Variants in FYB1 observed in about 807,000 individuals in gnomAD.
FYB1 encodes the protein FYN-binding protein 1.
A neutral mutation model predicts 94.1 loss-of-function variants in FYB1; 41 were observed. The observed-to-expected ratio is 0.44, with a 90% CI of 0.34 to 0.57. The LOEUF is 0.57. Ranked by LOEUF, FYB1 falls within the 20% of genes least tolerant of loss-of-function variation. The pLI is 0.02. For missense variants in FYB1, 1,050 were observed against 976.8 expected, an observed-to-expected ratio of 1.07 and a Z score of -1.00; for synonymous variants, 367 against 353.2, an observed-to-expected ratio of 1.04 and a Z score of -0.44.
intron 1 of FYB1, among the ~76,000 whole-genome samples, chr5:39,210,883 A>G (rs1749304954): frequency 6.6e-6 from 1 of 152,070 alleles, no homozygotes; most frequent in Admixed American, 6.6e-5. Flanking sequence ...ATGAGTTTCT[A>G]TGTGTTTCTG....
chr5:39,244,353 G>A (rs1481951163), intron 1 of FYB1, among the ~76,000 whole-genome samples: 1 of 152,278 alleles, frequency 6.6e-6, no homozygotes, highest in African/African-American at 2.4e-5. Flanking sequence ...CAGCATGAAG[G>A]ACTGTTGAAT....
chr5:39,180,187 G>A (rs1173128407), intron 2 of FYB1, among the ~76,000 whole-genome samples: 2 of 152,140 alleles, frequency 1.3e-5, no homozygotes, highest in Non-Finnish European at 2.9e-5. Context: ...ATTCCCCAAT[G>A]TTTGCCATGT....
chr5:39,235,133 C>T (rs1259282562), intron 1 of FYB1, among the ~76,000 whole-genome samples: 3 of 151,344 alleles, frequency 2.0e-5, no homozygotes. Flanking sequence ...ATTTAAATTC[C>T]CTGGAAGAAA....
At chr5:39,265,910 T>A (rs1189884922) in intron 1 of FYB1, among the ~76,000 whole-genome samples, 3 of 151,350 alleles carry the variant, frequency 2.0e-5, no homozygotes, top group African/African-American at 7.3e-5. Flanking sequence ...TTTCAGGAGC[T>A]CCCATGTAGC....
intron 1 of FYB1, among the ~76,000 whole-genome samples, chr5:39,240,670 A>G (rs1751165102): frequency 1.3e-5 from 2 of 152,186 alleles, no homozygotes; most frequent in Admixed American, 6.6e-5. Flanking sequence ...TCAAAAAATA[A>G]CAGATGCTGG....
chr5:39,134,850 C>G lies in FYB1; in HGVS notation c.1675+5G>C. The G allele has an allele frequency of 6.2e-7, 1 of 1,612,952 alleles. No individual in the cohort carries two copies. Among genetic ancestry groups the G allele is most frequent in the Non-Finnish European group, 8.5e-7 (1 of 1,179,368 alleles). On this transcript the variant is annotated splice_donor_5th_base_variant and intron_variant, in intron 8 of 18. Transcript: ENST00000512982. Reference sequence around the variant, plus strand: ...CTTCGAAGCCATAGAGAAATTTGCACTCACATGAACCCCTTGCTGTTCTGC... The same window carrying G: ...CTTCGAAGCCATAGAGAAATTTGCAGTCACATGAACCCCTTGCTGTTCTGC...
At chr5:39,209,445 G>A (rs1329406707) in intron 1 of FYB1, among the ~76,000 whole-genome samples, 1 of 151,728 alleles carries the variant, frequency 6.6e-6, no homozygotes, top group Non-Finnish European at 1.5e-5. Context: ...TCGTGCCTCA[G>A]CCTCCGAGCA....
intron 2 of FYB1, among the ~76,000 whole-genome samples, chr5:39,194,731 C>T (rs1747677002): frequency 6.6e-6 from 1 of 152,044 alleles, no homozygotes; most frequent in Non-Finnish European, 1.5e-5. Context: ...AAAATTTGAC[C>T]AGGGACAGTG....
intron 16 of FYB1, among the ~76,000 whole-genome samples, chr5:39,115,069 T>G (rs1253629120): frequency 2.0e-5 from 3 of 151,240 alleles, no homozygotes; most frequent in African/African-American, 4.9e-5. Context: ...CCAAGTTGAA[T>G]AAAGTAGCAT....
At chr5:39,137,059 C>G (rs1314256354) in intron 7 of FYB1, among the ~76,000 whole-genome samples, 1 of 151,958 alleles carries the variant, frequency 6.6e-6, no homozygotes, top group Non-Finnish European at 1.5e-5. Flanking sequence ...AGGTCAGAAT[C>G]CAGACAGACA....
chr5:39,257,002 T>G (rs999759731), intron 1 of FYB1, among the ~76,000 whole-genome samples: 1 of 151,976 alleles, frequency 6.6e-6, no homozygotes, highest in African/African-American at 2.4e-5. Flanking sequence ...GTGTTTTCAC[T>G]GTTTTCACTA....
chr5:39,256,745 G>T (rs1395412108), intron 1 of FYB1, among the ~76,000 whole-genome samples: 2 of 152,116 alleles, frequency 1.3e-5, no homozygotes, highest in Non-Finnish European at 2.9e-5. Context: ...GCTGTATTGT[G>T]TTGGGTGGCT....
At chr5:39,189,235 C>T (rs1440437735) in intron 2 of FYB1, among the ~76,000 whole-genome samples, 3 of 136,972 alleles carry the variant, frequency 2.2e-5, no homozygotes, top group South Asian at 2.4e-4. Flanking sequence ...TATGGAATTC[C>T]TTTTTTTTTT....
intron 3 of FYB1, among the ~76,000 whole-genome samples, chr5:39,147,566 C>A (rs1400776929): frequency 6.6e-6 from 1 of 151,794 alleles, no homozygotes. Flanking sequence ...TTTAGGATTG[C>A]TGATTCTCAC....
At chr5:39,110,518 T>G in intron 16 of FYB1, 129 bp from the exon 17 acceptor site, 1 of 510,642 alleles carries the variant, frequency 2.0e-6, no homozygotes, top group Non-Finnish European at 3.5e-6. Flanking sequence ...TCTCTGGAAA[T>G]GACCCATTTT....
intron 1 of FYB1, among the ~76,000 whole-genome samples, chr5:39,270,214 G>A (rs984049311): frequency 1.3e-5 from 2 of 152,186 alleles, no homozygotes; most frequent in South Asian, 2.1e-4. Flanking sequence ...CGCCACTGGA[G>A]TCCTTTCCTG....
At chr5:39,127,871 A>G (rs1740840039) in intron 10 of FYB1, 64 bp from the exon 11 acceptor site, 2 of 1,460,218 alleles carry the variant, frequency 1.4e-6, no homozygotes, top group Admixed American at 5.0e-5. Flanking sequence ...ATGCTCACTC[A>G]GATTTTAATT....
intron 2 of FYB1, among the ~76,000 whole-genome samples, chr5:39,162,636 G>C (rs1744357619): frequency 6.6e-6 from 1 of 151,948 alleles, no homozygotes; most frequent in Non-Finnish European, 1.5e-5. Context: ...AGTGAGCCGA[G>C]ATGGTGCCAC....
chr5:39,159,809 TTCATTGCA>T (rs1744086649), intron 2 of FYB1, among the ~76,000 whole-genome samples: 1 of 152,232 alleles, frequency 6.6e-6, no homozygotes, highest in African/African-American at 2.4e-5. Context: ...TATTAACTCC[TTCATTGCA>T]TCAAGCAAGA....
Sources: gnomAD v4.1 joint callset for allele counts (sites outside exome capture counted in the v4.1 genomes callset) on GRCh38, gnomAD v4.1.1 for gene constraint, MANE v1.5 for transcripts, NCBI Gene and HGNC (gene_info 2026-07-23, HGNC 2026-07-21) for gene names.